AGBL1: variants seen among roughly 807,000 people sequenced by gnomAD.
The protein encoded by AGBL1 is cytosolic carboxypeptidase 4.
A neutral mutation model predicts 118.9 loss-of-function variants in AGBL1; 130 were observed. The ratio of observed to expected loss-of-function variants is 1.09; its 90% CI spans 0.95 to 1.26. The LOEUF (loss-of-function observed/expected upper bound fraction) is 1.26. Among genes scored for constraint, AGBL1 ranks in the 50% most tolerant of loss-of-function variants. The pLI is 0.00. For synonymous variants in AGBL1, 555 were observed against 478.9 expected (o/e 1.16, Z -2.08); for missense variants, 1,584 against 1,298.1 (o/e 1.22, Z -3.38).
intron 18 of AGBL1, among the ~76,000 whole-genome samples, chr15:86,510,563 C>A (rs2083041898): frequency 6.6e-6 from 1 of 152,022 alleles, no homozygotes; most frequent in African/African-American, 2.4e-5. Flanking sequence ...ACTAGAAGTT[C>A]TATTGCAAGT....
At chr15:86,603,512 C>T (rs1294383232) in intron 21 of AGBL1, among the ~76,000 whole-genome samples, 2 of 152,064 alleles carry the variant, frequency 1.3e-5, no homozygotes, top group African/African-American at 2.4e-5. Flanking sequence ...CCTTAGCCCC[C>T]TATTTTCTAA....
At chr15:86,420,282 CTT>C (rs762302120) in intron 18 of AGBL1, among the ~76,000 whole-genome samples, 1 of 152,134 alleles carries the variant, frequency 6.6e-6, no homozygotes, top group Non-Finnish European at 1.5e-5. Context: ...AGGCAGCAAT[CTT>C]TGCTGTTCTG....
chr15:86,654,768 A>G (rs1257440598), intron 21 of AGBL1, among the ~76,000 whole-genome samples: 3 of 152,028 alleles, frequency 2.0e-5, no homozygotes, highest in Non-Finnish European at 2.9e-5. Context: ...ACCTTTTCTG[A>G]TGATGGGCCC....
intron 1 of AGBL1, among the ~76,000 whole-genome samples, chr15:86,136,479 C>T (rs2076890782): frequency 6.6e-6 from 1 of 152,108 alleles, no homozygotes; most frequent in African/African-American, 2.4e-5. Context: ...TAGGAGCAGA[C>T]ATATGTGGCA....
At chr15:86,557,207 C>T (rs551866139) in intron 21 of AGBL1, among the ~76,000 whole-genome samples, 1 of 152,216 alleles carries the variant, frequency 6.6e-6, no homozygotes, top group Non-Finnish European at 1.5e-5. Flanking sequence ...TAGGGATGGG[C>T]CCAAAGCTAT....
At chr15:86,803,248 T>C (rs76157396) in intron 22 of AGBL1, among the ~76,000 whole-genome samples, 10,147 of 152,172 alleles carry the variant, frequency 0.067, 508 homozygotes, top group East Asian at 0.2. Context: ...GTTCTTGTGA[T>C]AGGAGTGAGT....
chr15:86,694,523 C>T (rs1359216810), intron 22 of AGBL1, among the ~76,000 whole-genome samples: 2 of 151,866 alleles, frequency 1.3e-5, no homozygotes, highest in African/African-American at 2.4e-5. Context: ...TGTAGGTATA[C>T]GATCACATCA....
chr15:86,830,336 T>C (rs2079086545), intron 22 of AGBL1, among the ~76,000 whole-genome samples: 1 of 152,106 alleles, frequency 6.6e-6, no homozygotes, highest in African/African-American at 2.4e-5. Flanking sequence ...TATCACCATG[T>C]ATTAGTTTTG....
intron 6 of AGBL1, among the ~76,000 whole-genome samples, chr15:86,247,189 C>T (rs1285234928): frequency 1.3e-5 from 2 of 152,108 alleles, no homozygotes; most frequent in Non-Finnish European, 2.9e-5. Flanking sequence ...CCTTTTATAG[C>T]AAAAGAAAAA....
intron 18 of AGBL1, among the ~76,000 whole-genome samples, chr15:86,522,281 C>A (rs1319249369): frequency 5.3e-5 from 8 of 152,104 alleles, no homozygotes; most frequent in Admixed American, 1.3e-4. Flanking sequence ...GGGTTAGAAG[C>A]AAATAAATCT....
chr15:86,426,831 A>G (rs960325767), intron 18 of AGBL1, among the ~76,000 whole-genome samples: 4 of 152,200 alleles, frequency 2.6e-5, no homozygotes, highest in African/African-American at 7.2e-5. Flanking sequence ...CAATGGCACC[A>G]TCTTGGTTCA....
intron 21 of AGBL1, among the ~76,000 whole-genome samples, chr15:86,667,328 G>C (rs2085665278): frequency 6.6e-6 from 1 of 151,812 alleles, no homozygotes; most frequent in Admixed American, 6.6e-5. Context: ...GCAATAATCA[G>C]TTTTTGGTAT....
chr15:86,722,289 G>A (rs2086736212), intron 22 of AGBL1, among the ~76,000 whole-genome samples: 1 of 152,150 alleles, frequency 6.6e-6, no homozygotes, highest in Non-Finnish European at 1.5e-5. Flanking sequence ...AAAGAGCATG[G>A]TACTGGTACC....
chr15:86,790,440 C>A (rs886111054), intron 22 of AGBL1, among the ~76,000 whole-genome samples: 2 of 152,114 alleles, frequency 1.3e-5, no homozygotes, highest in African/African-American at 4.8e-5. Flanking sequence ...CCCACTCTCA[C>A]ACACCTCTAT....
chr15:86,643,152 T>C (rs1258858418), intron 21 of AGBL1, among the ~76,000 whole-genome samples: 1 of 152,186 alleles, frequency 6.6e-6, no homozygotes, highest in Non-Finnish European at 1.5e-5. Flanking sequence ...AAGAGAAAGA[T>C]GGGCTGGCTC....
intron 24 of AGBL1, among the ~76,000 whole-genome samples, chr15:86,994,149 C>T (rs2081357753): frequency 6.6e-6 from 1 of 152,074 alleles, no homozygotes; most frequent in Non-Finnish European, 1.5e-5. Context: ...TAACCAGGAA[C>T]TGAGTTTTGA....
intron 20 of AGBL1, among the ~76,000 whole-genome samples, chr15:86,551,477 G>A (rs946864246): frequency 2.6e-5 from 4 of 152,074 alleles, no homozygotes; most frequent in Non-Finnish European, 4.4e-5. Flanking sequence ...ACATTCTTAG[G>A]AGAACACAGA....
intron 21 of AGBL1, among the ~76,000 whole-genome samples, chr15:86,588,720 T>A (rs1396343478): frequency 6.6e-6 from 1 of 152,172 alleles, no homozygotes; most frequent in African/African-American, 2.4e-5. Flanking sequence ...GACTAAGCTT[T>A]GTTTTTAGTC....
In AGBL1 at chr15:86,377,032, A is replaced by G. The variant is rs533867085; in HGVS notation, c.2375-20334A>G. Among the ~76,000 whole-genome samples the G allele has an allele frequency of 4.6e-5, 7 of 152,316 alleles. 1 individual carries two copies. The East Asian group carries it at 9.7e-4, about 21-fold the overall frequency. ...GATCCTATCTATATGGGAAAGCCAG[A>G]TAGAGTGGGCCAGGTCTTTATAAGT... is the stretch of plus-strand genomic sequence containing the variant. On this transcript the variant is annotated intron_variant, in intron 17 of 22. Transcript: ENST00000614907.
Sources: allele counts gnomAD v4.1 joint callset (sites outside exome capture counted in the v4.1 genomes callset), GRCh38; gene constraint gnomAD v4.1.1; transcripts MANE v1.5; gene names NCBI Gene and HGNC (gene_info 2026-07-23, HGNC 2026-07-21).